The following ST7 variants were observed in gnomAD, a reference collection of about 807,000 sequenced individuals.
ST7 encodes suppressor of tumorigenicity 7 protein.
ST7 carries 28 observed loss-of-function variants against 78.7 expected under a neutral mutation model. The ratio of observed to expected loss-of-function variants is 0.36; its 90% confidence interval spans 0.26 to 0.49. The LOEUF is 0.49. Ranked by LOEUF, ST7 falls within the 20% of genes least tolerant of loss-of-function variation. ST7 has a pLI of 0.99. For missense variants in ST7, 418 were observed against 696.0 expected (o/e 0.60, Z 4.49); for synonymous variants, 247 against 249.6 (o/e 0.99, Z 0.10).
At chr7:116,969,004 G>GA (rs772732965) in intron 1 of ST7, among the ~76,000 whole-genome samples, 9 of 152,324 alleles carry the variant, frequency 5.9e-5, no homozygotes, top group Admixed American at 2.6e-4. Context: ...AATAATATGA[G>GA]AAATAATAAT....
chr7:116,972,919 A>T, intron 1 of ST7: 1 of 1,311,458 alleles, frequency 7.6e-7, no homozygotes, highest in Non-Finnish European at 1.1e-6. Context: ...CATGGTGCCC[A>T]CTCAGCTACT....
At chr7:117,090,086 T>A (rs1000091308) in intron 1 of ST7, among the ~76,000 whole-genome samples, 1 of 152,174 alleles carries the variant, frequency 6.6e-6, no homozygotes, top group African/African-American at 2.4e-5. Context: ...CTATCCCACA[T>A]GACTAATTTC....
At chr7:117,000,013 G>A (rs1048136773) in intron 1 of ST7, among the ~76,000 whole-genome samples, 10 of 151,996 alleles carry the variant, frequency 6.6e-5, no homozygotes, top group Admixed American at 2.0e-4. Flanking sequence ...GGGTTTCACC[G>A]TGTTAGCCAG....
At position 116,996,081 on chromosome 7, in the gene ST7, C is replaced by T. The variant is rs189264503; in HGVS notation, c.151+42390C>T. ...CTGGTGTTAACTCTTGCAGATTCCC[C>T]GTTTTTTTTTTTTTTTTTGAGACGG... On this transcript the variant is annotated intron_variant, in intron 1 of 15. Transcript: ENST00000323984. 8.9e-3 allele frequency among the ~76,000 whole-genome samples: 1,162 copies of T among 130,828 alleles called. 8 individuals are homozygous for T. Among genetic ancestry groups the T allele is most frequent in the Non-Finnish European group, 0.013 (791 of 59,608 alleles). The allele number at this position is 130,828 out of a possible 152,430, so 85.8% of individuals were successfully genotyped here. A position where few individuals can be genotyped will look rare whatever the true frequency, so the allele number is the denominator to read the frequency against.
chr7:117,013,682 G>T (rs1795476187), intron 1 of ST7, among the ~76,000 whole-genome samples: 1 of 152,090 alleles, frequency 6.6e-6, no homozygotes, highest in African/African-American at 2.4e-5. Context: ...ACAAAAATTA[G>T]CTGGGTGTGA....
rs1025913049 is a variant in ST7 at position 117,130,385 on chromosome 7, A to C, written c.450-106A>C. 4.6e-6 allele frequency: 3 copies of C among 651,086 alleles called. No individual in the cohort carries two copies. In the African/African-American group the frequency reaches 5.7e-5, roughly 12 times the overall value. 40.3% of individuals were successfully genotyped at this position (651,086 alleles called of 1,614,324 possible). A position where few individuals can be genotyped will look rare whatever the true frequency, so the allele number is the denominator to read the frequency against. Reference sequence around the variant, plus strand: ...TTTTATTCATTAGCAAAGCTATTTTAGTATTCAGTTAATGGTCTATATTTC... The same window carrying C: ...TTTTATTCATTAGCAAAGCTATTTTCGTATTCAGTTAATGGTCTATATTTC... On this transcript the variant is annotated intron_variant, in intron 4 of 15. Coordinates refer to ENST00000323984, the MANE Select transcript of ST7 (RefSeq NM_001369598.1).
At chr7:117,094,071 A>AT (rs1357665925) in intron 1 of ST7, among the ~76,000 whole-genome samples, 1 of 152,154 alleles carries the variant, frequency 6.6e-6, no homozygotes, top group Non-Finnish European at 1.5e-5. Flanking sequence ...AGCTGTCCTG[A>AT]TTTTTAGAAG....
chr7:117,076,933 C>A (rs759594887), intron 1 of ST7, among the ~76,000 whole-genome samples: 2 of 152,204 alleles, frequency 1.3e-5, no homozygotes, highest in African/African-American at 2.4e-5. Flanking sequence ...GAGCTCTTGT[C>A]TGGCACCCAG....
chr7:117,023,251 C>CA (rs376833434), intron 1 of ST7, among the ~76,000 whole-genome samples: 48 of 151,162 alleles, frequency 3.2e-4, no homozygotes, highest in African/African-American at 9.5e-4. Context: ...CCTTCCTCAC[C>CA]AAAAAAAACA....
intron 12 of ST7, among the ~76,000 whole-genome samples, chr7:117,199,740 A>G (rs1182654646): frequency 6.6e-6 from 1 of 152,238 alleles, no homozygotes. Flanking sequence ...GTGCCCAGTC[A>G]TTGAGAAGAC....
chr7:117,161,427 C>T (rs1406009794), intron 9 of ST7, among the ~76,000 whole-genome samples: 1 of 151,656 alleles, frequency 6.6e-6, no homozygotes, highest in Non-Finnish European at 1.5e-5. Flanking sequence ...TTTCCCTTCA[C>T]CTTCTTTTCT....
chr7:116,975,368 GA>G (rs1793646184), intron 1 of ST7, among the ~76,000 whole-genome samples: 1 of 152,108 alleles, frequency 6.6e-6, no homozygotes, highest in Non-Finnish European at 1.5e-5. Context: ...TTTGGATGGG[GA>G]CACAGCCAAA....
intron 1 of ST7, among the ~76,000 whole-genome samples, chr7:116,988,793 C>T (rs1343528567): frequency 6.6e-6 from 1 of 152,176 alleles, no homozygotes; most frequent in Non-Finnish European, 1.5e-5. Flanking sequence ...ATTGACTATC[C>T]AACTTGCCTC....
At chr7:117,074,358 T>G (rs1387622901) in intron 1 of ST7, among the ~76,000 whole-genome samples, 3 of 152,166 alleles carry the variant, frequency 2.0e-5, no homozygotes, top group African/African-American at 7.2e-5. Flanking sequence ...GCCACTGCAC[T>G]CCAACATGGG....
At chr7:117,191,649 A>G (rs993655067) in intron 12 of ST7, 1 of 152,134 alleles carries the variant, frequency 6.6e-6, no homozygotes, top group African/African-American at 2.4e-5. Flanking sequence ...TACATGCTGT[A>G]TTACGTAATT....
intron 2 of ST7, among the ~76,000 whole-genome samples, chr7:117,109,416 T>C (rs1415985112): frequency 6.6e-6 from 1 of 152,104 alleles, no homozygotes; most frequent in African/African-American, 2.4e-5. Context: ...CAAAAGATAA[T>C]TCAAGGCTAC....
intron 1 of ST7, among the ~76,000 whole-genome samples, chr7:116,969,893 T>C (rs962607474): frequency 1.3e-5 from 2 of 152,036 alleles, no homozygotes; most frequent in Admixed American, 6.5e-5. Context: ...CTGACCAACA[T>C]GGAGAAACCC....
rs1206070788 is a variant in ST7, at chr7:117,183,423, T to TA, written c.1079-5885dup. On this transcript the variant is annotated intron_variant, in intron 10 of 15. Coordinates refer to ENST00000323984, the MANE Select transcript of ST7 (RefSeq NM_001369598.1). ...CTGGGTGATAGAGCAAAACTCTGTC[T>TA]AAAAAAAAAAAAATTATATATATAT... Among the ~76,000 whole-genome samples the TA allele has an allele frequency of 4.0e-3, 573 of 142,334 alleles. 1 individual carries two copies. The highest frequency in any genetic ancestry group is 5.6e-3 in the African/African-American group (219 of 38,882). 93.4% of individuals were successfully genotyped at this position (142,334 alleles called of 152,430 possible).
chr7:117,000,103 G>T (rs747417837), intron 1 of ST7, among the ~76,000 whole-genome samples: 3 of 152,200 alleles, frequency 2.0e-5, no homozygotes, highest in Admixed American at 1.3e-4. Flanking sequence ...GAGCCACTGC[G>T]CCCAGCCTAG....
Sources: gnomAD v4.1 joint callset for allele counts (sites outside exome capture counted in the v4.1 genomes callset) on GRCh38, gnomAD v4.1.1 for gene constraint, MANE v1.5 for transcripts, NCBI Gene and HGNC (gene_info 2026-07-23, HGNC 2026-07-21) for gene names.